ZNF587: variants seen among roughly 807,000 people sequenced by gnomAD.
ZNF587 encodes the protein zinc finger protein zfp6.
Under a neutral mutation model 7.5 loss-of-function variants are expected in ZNF587, and 8 were observed. That is an observed-to-expected ratio of 1.06 (90% CI 0.62 to 1.92). The LOEUF is 1.92. Among genes scored for constraint, ZNF587 ranks in the 40% most tolerant of loss-of-function variants. The pLI, the probability that ZNF587 is intolerant of heterozygous loss-of-function variation, is 0.00. For synonymous variants in ZNF587, 145 were observed against 237.8 expected (o/e 0.61, Z 3.59); for missense variants, 468 against 692.8 (o/e 0.68, Z 3.64).
intron 2 of ZNF587, 60 bp downstream of exon 2, chr19:57,856,293 A>C (rs1196478813): frequency 2.6e-6 from 4 of 1,530,668 alleles, no homozygotes; most frequent in African/African-American, 1.4e-5. Flanking sequence ...CCTGTTTTTC[A>C]TTGACAGGAC....
At chr19:57,855,723 G>T (rs73565784) in intron 1 of ZNF587, among the ~76,000 whole-genome samples, 9,000 of 151,924 alleles carry the variant, frequency 0.059, 850 homozygotes, top group African/African-American at 0.2. Context: ...CACCATGCCC[G>T]GCTAATTTTT....
At chr19:57,853,931 T>A (rs1217289189) in intron 1 of ZNF587, 1 of 152,082 alleles carries the variant, frequency 6.6e-6, no homozygotes, top group African/African-American at 2.4e-5. Context: ...AATTTTTGTA[T>A]TTTCGGTAGA....
rs1377919423 is a variant in ZNF587, at chr19:57,861,161, G to T, written c.*1021G>T. 6.6e-6 allele frequency: 1 copy of T among 152,112 alleles called. No homozygotes were observed. Among genetic ancestry groups the T allele is most frequent in the African/African-American group, 2.4e-5 (1 of 41,420 alleles). 9.4% of individuals were successfully genotyped at this position (152,112 alleles called of 1,614,324 possible). ...CTTGGCCTAATGTACAACTTTTTAA[G>T]CAATGCCAAACTATGACTTAAGAAT... On this transcript the variant is annotated 3_prime_UTR_variant, in exon 3 of 3. Coordinates refer to ENST00000339656, the MANE Select transcript of ZNF587 (RefSeq NM_032828.4).
intron 1 of ZNF587, among the ~76,000 whole-genome samples, chr19:57,853,487 G>A (rs1186920698): frequency 6.6e-6 from 1 of 152,168 alleles, no homozygotes; most frequent in South Asian, 2.1e-4. Flanking sequence ...AGATTATGGT[G>A]GTAAATCTTT....
intron 2 of ZNF587, among the ~76,000 whole-genome samples, chr19:57,857,532 C>T (rs1172517673): frequency 1.3e-5 from 2 of 151,860 alleles, no homozygotes; most frequent in African/African-American, 2.4e-5. Context: ...CATCTATGAC[C>T]ACCCCTGCTG....
In ZNF587 at chr19:57,861,558, G is replaced by A. The variant is rs1029974493; in HGVS notation, c.*1418G>A. On this transcript the variant is annotated 3_prime_UTR_variant, in exon 3 of 3. Coordinates refer to ENST00000339656, the MANE Select transcript of ZNF587 (RefSeq NM_032828.4). Reference sequence around the variant, plus strand: ...TGCCCAGTCTGATCGCGAACTCCTGGGCTCAGGCGATCCACTTGCCTAGGC... The same window carrying A: ...TGCCCAGTCTGATCGCGAACTCCTGAGCTCAGGCGATCCACTTGCCTAGGC... The A allele has an allele frequency of 1.3e-5, 2 of 152,046 alleles. No individual in the cohort carries two copies. Among genetic ancestry groups the A allele is most frequent in the African/African-American group, 4.8e-5 (2 of 41,384 alleles). 9.4% of individuals were successfully genotyped at this position (152,046 alleles called of 1,614,324 possible). A position where few individuals can be genotyped will look rare whatever the true frequency, so the allele number is the denominator to read the frequency against.
intron 1 of ZNF587, chr19:57,850,329 C>G: frequency 1.6e-6 from 1 of 637,346 alleles, no homozygotes; most frequent in East Asian, 2.8e-5. Context: ...GTTCGGGAGA[C>G]AGGAGTTTTA....
At chr19:57,850,152 G>C (rs558120072) in intron 1 of ZNF587, 81 bp downstream of exon 1, 3 of 1,612,574 alleles carry the variant, frequency 1.9e-6, no homozygotes, top group Admixed American at 1.7e-5. Context: ...GCTCCTGCTC[G>C]TGGGTCTGTA....
chr19:57,852,841 T>TC, intron 1 of ZNF587, among the ~76,000 whole-genome samples: 1 of 62,892 alleles, frequency 1.6e-5, no homozygotes, highest in Non-Finnish European at 3.3e-5. Context: ...ACAGCTAGGC[T>TC]TTTTTTTTTT....
At position 57,859,964 on chromosome 19, in the gene ZNF587, A is replaced by G. The variant is rs2071414023; in HGVS notation, c.1552A>G (p.Lys518Glu). 2 of 1,614,088 alleles carry G rather than the reference A, an allele frequency of 1.2e-6. No homozygotes were observed. Residue 518 changes from lysine (K) to glutamate (E), a missense_variant, in exon 3 of 3, where the codon AAG (lysine) becomes GAG (glutamate). Coordinates refer to ENST00000339656, the MANE Select transcript of ZNF587 (RefSeq NM_032828.4). ...TCATAAAAGAGTTCATTCTGGACAAAAGCCTTATAAGTGCAGTGAATGTGG... is the reference window on the plus strand; with the variant it reads ...TCATAAAAGAGTTCATTCTGGACAAGAGCCTTATAAGTGCAGTGAATGTGG... The part of the protein sequence containing the change: ...HVHKRVHSGQ[K>E]PYKCSECGKS...
Position 57,850,011 on chromosome 19 carries a change from C to T in ZNF587, c.-28C>T, listed in dbSNP as rs2122293011. On this transcript the variant is annotated 5_prime_UTR_variant, in exon 1 of 3. Transcript: ENST00000339656. The stretch of plus-strand genomic sequence containing the variant: ...CAGCCCCGTGACGGCGACCACTGCT[C>T]CCGGGCCGTGCTTCCCCAAGTAGTC... 6.2e-7 allele frequency: 1 copy of T among 1,614,190 alleles called. No homozygotes were observed. Among genetic ancestry groups the T allele is most frequent in the East Asian group, 2.2e-5 (1 of 44,872 alleles).
rs144329167 is a variant in ZNF587 at position 57,861,711 on chromosome 19, C to G, written c.*1571C>G. 6.6e-6 allele frequency: 1 copy of G among 150,520 alleles called. No homozygotes were observed. The highest frequency in any genetic ancestry group is 2.5e-5 in the African/African-American group (1 of 40,812). 9.3% of individuals were successfully genotyped at this position (150,520 alleles called of 1,614,324 possible). On this transcript the variant is annotated 3_prime_UTR_variant, in exon 3 of 3. Transcript: ENST00000339656. Reference sequence around the variant, plus strand: ...TTTAAAAATAATGAAATAACAAAGACGTATGTTGGACTTCATTCATTCTTC... The same window carrying G: ...TTTAAAAATAATGAAATAACAAAGAGGTATGTTGGACTTCATTCATTCTTC...
intron 1 of ZNF587, among the ~76,000 whole-genome samples, chr19:57,852,654 G>T (rs1226762657): frequency 1.3e-5 from 2 of 151,646 alleles, no homozygotes; most frequent in Non-Finnish European, 2.9e-5. Context: ...CAGCATTCAA[G>T]GTAGCTGGCA....
At chr19:57,856,558 C>T (rs2071358862) in intron 2 of ZNF587, among the ~76,000 whole-genome samples, 1 of 151,986 alleles carries the variant, frequency 6.6e-6, no homozygotes, top group African/African-American at 2.4e-5. Flanking sequence ...CAGGCGACTA[C>T]CACCACGCCT....
chr19:57,857,888 G>A (rs1475462306), intron 2 of ZNF587, among the ~76,000 whole-genome samples: 7 of 151,636 alleles, frequency 4.6e-5, no homozygotes, highest in South Asian at 2.1e-4. Flanking sequence ...TGCCCGCCTC[G>A]GCCTTGCAAA....
intron 1 of ZNF587, chr19:57,850,365 T>C: frequency 1.7e-6 from 1 of 594,436 alleles, no homozygotes. Flanking sequence ...TCCCTGAGCA[T>C]TCTGGGATCA....
At position 57,862,095 on chromosome 19, in the gene ZNF587, A is replaced by G. The variant is rs969312976; in HGVS notation, c.*1955A>G. Reference sequence around the variant, plus strand: ...GGCTGAATACTTGGTTTTCAGTACCACAAGAACTATGAGCTGGTTATCCAC... The same window carrying G: ...GGCTGAATACTTGGTTTTCAGTACCGCAAGAACTATGAGCTGGTTATCCAC... On this transcript the variant is annotated 3_prime_UTR_variant, in exon 3 of 3. Transcript: ENST00000339656. 6.6e-6 allele frequency: 1 copy of G among 152,128 alleles called. No homozygotes were observed. Among genetic ancestry groups the G allele is most frequent in the Non-Finnish European group, 1.5e-5 (1 of 68,002 alleles). 9.4% of individuals were successfully genotyped at this position (152,128 alleles called of 1,614,324 possible). A position where few individuals can be genotyped will look rare whatever the true frequency, so the allele number is the denominator to read the frequency against.
Position 57,852,848 on chromosome 19 carries a change from T to TC in ZNF587, c.33+2777_33+2778insC, listed in dbSNP as rs1448156026. ...CAGCCGAGACAGCTAGGCTTTTTTT[T>TC]TTTTTTTTTTTTTTTTTTTTTTGAG... On this transcript the variant is annotated intron_variant, in intron 1 of 2. Coordinates refer to ENST00000339656, the MANE Select transcript of ZNF587 (RefSeq NM_032828.4). Among the ~76,000 whole-genome samples the TC allele has an allele frequency of 2.0e-4, 25 of 126,030 alleles. 1 individual carries two copies. The highest frequency in any genetic ancestry group is 7.0e-4 in the African/African-American group (22 of 31,546). 82.7% of individuals were successfully genotyped at this position (126,030 alleles called of 152,430 possible).
chr19:57,864,970 TTA>T lies in ZNF587; in HGVS notation c.*4835_*4836del, dbSNP rs2071489909. 6.6e-6 allele frequency: 1 copy of T among 152,206 alleles called. No individual in the cohort carries two copies. Among genetic ancestry groups the T allele is most frequent in the Non-Finnish European group, 1.5e-5 (1 of 68,038 alleles). 9.4% of individuals were successfully genotyped at this position (152,206 alleles called of 1,614,324 possible). Reference sequence around the variant, plus strand: ...CTTTATTTTCTCCATAAACTACAGTTTATATAAGCAAAAGTTTCAGTACTAAG... The same window carrying T: ...CTTTATTTTCTCCATAAACTACAGTTTATAAGCAAAAGTTTCAGTACTAAG... On this transcript the variant is annotated 3_prime_UTR_variant, in exon 3 of 3. Coordinates refer to ENST00000339656, the MANE Select transcript of ZNF587 (RefSeq NM_032828.4).
Sources: allele counts gnomAD v4.1 joint callset (sites outside exome capture counted in the v4.1 genomes callset), GRCh38; gene constraint gnomAD v4.1.1; transcripts MANE v1.5; gene names NCBI Gene and HGNC (gene_info 2026-07-23, HGNC 2026-07-21).